ANO10: variants seen among roughly 807,000 people sequenced by gnomAD.
The protein encoded by ANO10 is anoctamin-10.
A neutral mutation model predicts 74.7 loss-of-function variants in ANO10; 77 were observed. That is an observed-to-expected ratio of 1.03 (90% CI 0.86 to 1.25). The LOEUF is 1.25. Among genes scored for constraint, ANO10 ranks in the 50% most tolerant of loss-of-function variants. The pLI, the probability that ANO10 is intolerant of heterozygous loss-of-function variation, is 0.00. For synonymous variants in ANO10, 279 were observed against 284.9 expected (o/e 0.98, Z 0.21); for missense variants, 721 against 778.1 (o/e 0.93, Z 0.87).
chr3:43,476,656 T>C (rs2076077123), intron 11 of ANO10, among the ~76,000 whole-genome samples: 1 of 152,202 alleles, frequency 6.6e-6, no homozygotes, highest in Non-Finnish European at 1.5e-5. Context: ...TTCTTTGTAG[T>C]TTTTATCGGT....
At chr3:43,440,318 T>C (rs2093140610) in intron 11 of ANO10, among the ~76,000 whole-genome samples, 1 of 151,924 alleles carries the variant, frequency 6.6e-6, no homozygotes, top group South Asian at 2.1e-4. Context: ...TGTAAAGACA[T>C]ACATACAATG....
At chr3:43,597,123 G>A (rs531162813) in intron 4 of ANO10, among the ~76,000 whole-genome samples, 5 of 152,296 alleles carry the variant, frequency 3.3e-5, no homozygotes, top group African/African-American at 7.2e-5. Flanking sequence ...AACAGGTGCT[G>A]GAGAGGATGT....
chr3:43,589,411 G>A (rs898832002), intron 4 of ANO10, among the ~76,000 whole-genome samples: 1 of 152,120 alleles, frequency 6.6e-6, no homozygotes, highest in African/African-American at 2.4e-5. Context: ...AATCGGCTGG[G>A]CGCAGTGGCT....
Position 43,377,255 on chromosome 3 carries a change from T to C in ANO10, c.1915-10281A>G, listed in dbSNP as rs564233390. Among the ~76,000 whole-genome samples the C allele has an allele frequency of 3.3e-5, 5 of 152,028 alleles. No individual in the cohort carries two copies. The South Asian group carries it at 1.0e-3, about 32-fold the overall frequency. On this transcript the variant is annotated intron_variant, in intron 12 of 12. Coordinates refer to ENST00000292246, the MANE Select transcript of ANO10 (RefSeq NM_018075.5). The stretch of plus-strand genomic sequence containing the variant: ...AGTGTGCCACTACACCCAGCTAATT[T>C]TTTGCATATTTTGTAGAGATGGGGT...
chr3:43,368,346 G>C (rs1468633338), intron 12 of ANO10, among the ~76,000 whole-genome samples: 2 of 152,146 alleles, frequency 1.3e-5, no homozygotes, highest in Non-Finnish European at 2.9e-5. Flanking sequence ...CTGGAGTAGG[G>C]GGTAGACACA....
At chr3:43,441,220 CA>C (rs71083070) in intron 11 of ANO10, among the ~76,000 whole-genome samples, 3 of 148,578 alleles carry the variant, frequency 2.0e-5, no homozygotes, top group Admixed American at 6.7e-5. Context: ...AAAACAACAG[CA>C]AAAAAAAAAT....
chr3:43,548,260 T>C (rs2079291678), intron 11 of ANO10, among the ~76,000 whole-genome samples: 1 of 152,120 alleles, frequency 6.6e-6, no homozygotes, highest in South Asian at 2.1e-4. Flanking sequence ...TGAAGTGAAG[T>C]GCCATATTCT....
intron 12 of ANO10, among the ~76,000 whole-genome samples, chr3:43,409,077 C>G (rs1031434600): frequency 6.6e-6 from 1 of 152,036 alleles, no homozygotes; most frequent in African/African-American, 2.4e-5. Flanking sequence ...GTCATGACAT[C>G]TGTGCAACAC....
chr3:43,376,320 T>C (rs560260459), intron 12 of ANO10, among the ~76,000 whole-genome samples: 10 of 152,208 alleles, frequency 6.6e-5, no homozygotes, highest in Non-Finnish European at 1.2e-4. Flanking sequence ...AACATCCTGA[T>C]ATGAGCATGG....
At chr3:43,505,527 G>C (rs1391383496) in intron 11 of ANO10, among the ~76,000 whole-genome samples, 2 of 152,186 alleles carry the variant, frequency 1.3e-5, no homozygotes, top group East Asian at 3.9e-4. Flanking sequence ...AGCCCTTTAT[G>C]TGAGGCATGC....
At chr3:43,562,065 A>G (rs925450708) in intron 8 of ANO10, among the ~76,000 whole-genome samples, 1 of 152,222 alleles carries the variant, frequency 6.6e-6, no homozygotes, top group African/African-American at 2.4e-5. Context: ...GATTTTCTAT[A>G]AAGGCACTAA....
At chr3:43,426,978 C>A (rs1056990859) in intron 12 of ANO10, among the ~76,000 whole-genome samples, 6 of 152,150 alleles carry the variant, frequency 3.9e-5, no homozygotes, top group Middle Eastern at 3.2e-3. Flanking sequence ...CAATCCACCA[C>A]CACTCCTCCT....
intron 1 of ANO10, among the ~76,000 whole-genome samples, chr3:43,643,355 C>G (rs1289952918): frequency 6.6e-6 from 1 of 151,630 alleles, no homozygotes. Flanking sequence ...AAGGTAGATT[C>G]CTAGAAACGA....
chr3:43,579,927 C>A (rs1353483822), intron 5 of ANO10, among the ~76,000 whole-genome samples: 1 of 151,878 alleles, frequency 6.6e-6, no homozygotes, highest in Admixed American at 6.6e-5. Context: ...GCCCAAGGCA[C>A]AAGGATCGCT....
At position 43,576,836 on chromosome 3, in the gene ANO10, C is replaced by T. The variant is rs553236835; in HGVS notation, c.1018G>A (p.Glu340Lys). The T allele has an allele frequency of 1.2e-6, 2 of 1,614,186 alleles. No individual in the cohort carries two copies. The highest frequency in any genetic ancestry group is 1.1e-5 in the South Asian group (1 of 91,076). The change falls in exon 6 of 13, where the codon GAG becomes AAG. Residue 340 changes from glutamate (E) to lysine (K), a missense_variant. Physicochemically the swap from Glu to Lys is moderately conservative, Grantham distance 56 (BLOSUM62 1). Transcript: ENST00000292246. ...TCATGTAGACCCAAGGCCCAAACCT[C>T]CATGTCGAAGTAAATCATCATGACA... ...LYVMMIYFDMEVWALGLHENS... is the reference protein window; with the variant it reads ...LYVMMIYFDMKVWALGLHENS...
At chr3:43,449,847 T>A (rs1190374132) in intron 11 of ANO10, among the ~76,000 whole-genome samples, 1 of 152,148 alleles carries the variant, frequency 6.6e-6, no homozygotes, top group Non-Finnish European at 1.5e-5. Context: ...TTGATGGAGA[T>A]TGTGTTCAAT....
At chr3:43,555,512 T>C (rs1273816353) in intron 9 of ANO10, 43 bp from the exon 10 acceptor site, 9 of 1,579,026 alleles carry the variant, frequency 5.7e-6, no homozygotes, top group East Asian at 2.3e-5. Flanking sequence ...TATCATACAA[T>C]AGGAATATCC....
intron 11 of ANO10, among the ~76,000 whole-genome samples, chr3:43,435,057 A>G (rs147699037): frequency 2.9e-4 from 44 of 152,348 alleles, no homozygotes; most frequent in African/African-American, 9.1e-4. Context: ...TATATAAAAA[A>G]GAACACAGGG....
At chr3:43,473,290 C>T (rs778916117) in intron 11 of ANO10, among the ~76,000 whole-genome samples, 25 of 152,098 alleles carry the variant, frequency 1.6e-4, no homozygotes, top group Non-Finnish European at 3.1e-4. Context: ...AGACACTGTC[C>T]GCTTTGCTGG....
Sources: allele counts gnomAD v4.1 joint callset (sites outside exome capture counted in the v4.1 genomes callset), GRCh38; gene constraint gnomAD v4.1.1; transcripts MANE v1.5; gene names NCBI Gene and HGNC (gene_info 2026-07-23, HGNC 2026-07-21).